Variants in NRG3 observed in about 807,000 individuals in gnomAD.
NRG3 encodes the protein neuregulin 3, also known as pro-neuregulin-3, membrane-bound isoform.
In NRG3, 31 loss-of-function variants were observed where a neutral mutation model predicts 66.9. The ratio of observed to expected loss-of-function variants is 0.46; its 90% confidence interval spans 0.35 to 0.63. The LOEUF is 0.63. Ranked by LOEUF, NRG3 falls within the 20% of genes least tolerant of loss-of-function variation. The probability of loss-of-function intolerance (pLI) is 0.00; values close to 1 mark genes in which losing one functional copy is unlikely to be tolerated. For synonymous variants in NRG3, 393 were observed against 359.4 expected, an observed-to-expected ratio of 1.09 and a Z score of -1.06; for missense variants, 910 against 878.9, an observed-to-expected ratio of 1.04 and a Z score of -0.45.
At chr10:82,519,880 A>G (rs568193916) in intron 2 of NRG3, among the ~76,000 whole-genome samples, 2 of 152,264 alleles carry the variant, frequency 1.3e-5, no homozygotes, top group East Asian at 1.9e-4. Context: ...CATGTAGTCA[A>G]TGAAGAAGTT....
intron 3 of NRG3, among the ~76,000 whole-genome samples, chr10:82,817,256 T>A (rs1309656395): frequency 6.6e-6 from 1 of 152,196 alleles, no homozygotes; most frequent in African/African-American, 2.4e-5. Context: ...AATGAATCTC[T>A]CAAGCTACAG....
At chr10:82,039,658 A>G (rs1199362394) in intron 1 of NRG3, among the ~76,000 whole-genome samples, 6 of 152,136 alleles carry the variant, frequency 3.9e-5, no homozygotes, top group South Asian at 4.1e-4. Flanking sequence ...CCAAATGTCC[A>G]TCAGCTCCCT....
At chr10:82,934,493 A>G (rs1847880060) in intron 4 of NRG3, among the ~76,000 whole-genome samples, 1 of 152,162 alleles carries the variant, frequency 6.6e-6, no homozygotes, top group African/African-American at 2.4e-5. Flanking sequence ...AGACACCTCT[A>G]TTGCTTCTGC....
At chr10:81,963,295 G>A (rs2059598599) in intron 1 of NRG3, among the ~76,000 whole-genome samples, 1 of 150,646 alleles carries the variant, frequency 6.6e-6, no homozygotes, top group African/African-American at 2.4e-5. Flanking sequence ...CACTACGCCC[G>A]GCTAATTTTT....
chr10:82,835,747 A>ACT (rs1288829504), intron 3 of NRG3, among the ~76,000 whole-genome samples: 1 of 152,014 alleles, frequency 6.6e-6, no homozygotes, highest in Non-Finnish European at 1.5e-5. Flanking sequence ...CAGGACAGAC[A>ACT]CTCCTTAGAA....
chr10:82,965,419 C>A (rs866498420), intron 6 of NRG3, among the ~76,000 whole-genome samples: 35 of 152,248 alleles, frequency 2.3e-4, no homozygotes, highest in Middle Eastern at 6.8e-3. Context: ...GATAGAACTG[C>A]ATGCATTTGG....
At chr10:82,345,138 C>A (rs1322957462) in intron 1 of NRG3, among the ~76,000 whole-genome samples, 4 of 141,606 alleles carry the variant, frequency 2.8e-5, no homozygotes, top group African/African-American at 1.2e-4. Flanking sequence ...AGTCCTTGCC[C>A]ATGTCTATGT....
intron 1 of NRG3, among the ~76,000 whole-genome samples, chr10:82,131,796 A>T (rs1000871391): frequency 6.6e-6 from 1 of 152,124 alleles, no homozygotes; most frequent in African/African-American, 2.4e-5. Context: ...ATTTGTAGCT[A>T]TTGTAAATGA....
rs1425640108 is a variant in NRG3 at position 82,048,739 on chromosome 10, T to G, written c.823+172576T>G. Among the ~76,000 whole-genome samples the G allele has an allele frequency of 2.0e-5, 3 of 151,170 alleles. No homozygotes were observed. In the East Asian group the frequency reaches 5.9e-4, roughly 30 times the overall value. The stretch of plus-strand genomic sequence containing the variant: ...TCAAAAGCTAGCAGAAGGCAAGAAA[T>G]AACTAAAATCAGAGCAGAACTGAAG... On this transcript the variant is annotated intron_variant, in intron 1 of 8. Transcript: ENST00000372141.
At chr10:81,943,944 A>G (rs1432191812) in intron 1 of NRG3, among the ~76,000 whole-genome samples, 2 of 152,054 alleles carry the variant, frequency 1.3e-5, no homozygotes, top group Non-Finnish European at 2.9e-5. Context: ...TAGTCTCCAC[A>G]GTTTTGGGGC....
At chr10:82,348,126 A>C (rs1218806291) in intron 1 of NRG3, among the ~76,000 whole-genome samples, 7 of 151,690 alleles carry the variant, frequency 4.6e-5, no homozygotes, top group Admixed American at 1.3e-4. Flanking sequence ...TTAGCTGGTT[A>C]TTTTGCTCGT....
intron 4 of NRG3, among the ~76,000 whole-genome samples, chr10:82,920,831 G>A (rs571701271): frequency 6.6e-6 from 1 of 152,250 alleles, no homozygotes; most frequent in East Asian, 1.9e-4. Flanking sequence ...AGATTGGACT[G>A]TAACCCAGTG....
In NRG3 at chr10:81,875,936, C is replaced by G. The variant is rs946655999; in HGVS notation, c.596C>G (p.Pro199Arg). The change falls in exon 1 of 9, where the codon CCG becomes CGG. Residue 199 changes from proline (P) to arginine (R), a missense_variant. Coordinates refer to ENST00000372141, the MANE Select transcript of NRG3 (RefSeq NM_001010848.4). This position sits in a 1 kb window ranked among gnomAD's most constrained non-coding sequence, Gnocchi z 5.3. ...APATVPSTTA[P>R]FFSSSTLGSR... The stretch of plus-strand genomic sequence containing the variant: ...GCGACGGTCCCGTCCACCACGGCCC[C>G]GTTCTTCAGTAGCAGCACGCTGGGC... 3.7e-6 allele frequency: 6 copies of G among 1,613,636 alleles called. No individual in the cohort carries two copies. Among genetic ancestry groups the G allele is most frequent in the African/African-American group, 1.3e-5 (1 of 74,950 alleles).
intron 1 of NRG3, among the ~76,000 whole-genome samples, chr10:82,132,536 G>GATATATATATC (rs1564594023): frequency 9.7e-4 from 64 of 65,928 alleles, no homozygotes; most frequent in Non-Finnish European, 1.1e-3. Flanking sequence ...ATATATATAT[G>GATATATATATC]ATATATATAT....
intron 2 of NRG3, among the ~76,000 whole-genome samples, chr10:82,653,649 TTA>T (rs2051607892): frequency 6.7e-6 from 1 of 148,606 alleles, no homozygotes. Flanking sequence ...AGGTTTTTTT[TTA>T]AAAAAAAAAA....
chr10:82,091,313 C>CCTT (rs938165963), intron 1 of NRG3, among the ~76,000 whole-genome samples: 4 of 152,060 alleles, frequency 2.6e-5, no homozygotes, highest in African/African-American at 9.7e-5. Flanking sequence ...AATAACTTCT[C>CCTT]CTTCTCCTCC....
chr10:82,234,055 A>T (rs965347137), intron 1 of NRG3, among the ~76,000 whole-genome samples: 7 of 152,064 alleles, frequency 4.6e-5, no homozygotes, highest in Admixed American at 2.0e-4. Flanking sequence ...GGTAAAACAA[A>T]CGACAATCAC....
intron 1 of NRG3, among the ~76,000 whole-genome samples, chr10:82,282,700 G>T (rs144069350): frequency 6.6e-6 from 1 of 152,166 alleles, no homozygotes; most frequent in Non-Finnish European, 1.5e-5. Context: ...AGGTATGTAT[G>T]CATCCTCACT....
At chr10:82,621,233 T>C (rs934214427) in intron 2 of NRG3, among the ~76,000 whole-genome samples, 2 of 152,228 alleles carry the variant, frequency 1.3e-5, no homozygotes, top group Non-Finnish European at 2.9e-5. Flanking sequence ...TTGACCAGGA[T>C]GAAGTCAGAC....
Sources: gnomAD v4.1 joint callset for allele counts (sites outside exome capture counted in the v4.1 genomes callset) on GRCh38, gnomAD v4.1.1 for gene constraint, Gnocchi (gnomAD v3.1) non-coding constraint, MANE v1.5 for transcripts, NCBI Gene and HGNC (gene_info 2026-07-23, HGNC 2026-07-21) for gene names.